Variants in CHCHD3 observed in about 807,000 individuals in gnomAD.
CHCHD3 encodes the protein MICOS complex subunit MIC19.
Under a neutral mutation model 38.2 loss-of-function variants are expected in CHCHD3, and 20 were observed. The ratio of observed to expected loss-of-function variants is 0.52; its 90% CI spans 0.37 to 0.76. CHCHD3 has a LOEUF of 0.76. CHCHD3 is among the 30% of genes least tolerant of loss of function. The probability of loss-of-function intolerance (pLI) is 0.00; values close to 1 mark genes in which losing one functional copy is unlikely to be tolerated. For missense variants in CHCHD3, 245 were observed against 279.2 expected, an observed-to-expected ratio of 0.88 and a Z score of 0.87; for synonymous variants, 82 against 100.0, an observed-to-expected ratio of 0.82 and a Z score of 1.07.
intron 3 of CHCHD3, among the ~76,000 whole-genome samples, chr7:132,976,971 G>C (rs1163098686): frequency 1.3e-5 from 2 of 152,104 alleles, no homozygotes; most frequent in Non-Finnish European, 2.9e-5. Flanking sequence ...GTTAAAATCT[G>C]TATTTCGAAA....
At chr7:132,871,002 T>G (rs1808755589) in intron 5 of CHCHD3, among the ~76,000 whole-genome samples, 1 of 152,206 alleles carries the variant, frequency 6.6e-6, no homozygotes, top group African/African-American at 2.4e-5. Flanking sequence ...AATATTAGTT[T>G]TAATGATATA....
At chr7:132,886,098 A>G (rs1208998248) in intron 4 of CHCHD3, among the ~76,000 whole-genome samples, 1 of 152,120 alleles carries the variant, frequency 6.6e-6, no homozygotes, top group Non-Finnish European at 1.5e-5. Context: ...TGGGCATAAG[A>G]TACATGGCTC....
At chr7:132,809,352 T>A (rs561622789) in intron 6 of CHCHD3, among the ~76,000 whole-genome samples, 1 of 152,312 alleles carries the variant, frequency 6.6e-6, no homozygotes, top group South Asian at 2.1e-4. Flanking sequence ...ATCCTTACCA[T>A]AGGCTAAGTT....
Position 133,035,377 on chromosome 7 carries a change from G to A in CHCHD3, c.170-10750C>T, listed in dbSNP as rs529735227. On this transcript the variant is annotated intron_variant, in intron 2 of 7. Transcript: ENST00000262570. The surrounding 1 kb of genome is among the most constrained non-coding windows in gnomAD (Gnocchi z 4.7). ...CAGCGGTTGGTATTGCGAAAGGCCC[G>A]GCGGAAAGAAGGCTCTAGAACCTGC... is the stretch of plus-strand genomic sequence containing the variant. 1.4e-5 allele frequency: 22 copies of A among 1,613,250 alleles called. No individual in the cohort carries two copies. The Admixed American group carries it at 2.8e-4, about 21-fold the overall frequency.
intron 4 of CHCHD3, among the ~76,000 whole-genome samples, chr7:132,963,154 A>AT (rs1562922740): frequency 3.6e-4 from 52 of 145,850 alleles, no homozygotes; most frequent in African/African-American, 6.0e-4. Context: ...ATAAAAAAAA[A>AT]AATATATATA....
intron 6 of CHCHD3, chr7:132,815,475 C>G (rs750215421): frequency 6.8e-6 from 3 of 443,836 alleles, no homozygotes; most frequent in South Asian, 4.9e-5. Flanking sequence ...CTCTGATTAC[C>G]TTTTAGGTCC....
chr7:132,860,308 GAGAGAGAA>G (rs916906976), intron 5 of CHCHD3, among the ~76,000 whole-genome samples: 12 of 91,378 alleles, frequency 1.3e-4, no homozygotes, highest in African/African-American at 4.7e-4. Context: ...TAGATAGAGA[GAGAGAGAA>G]AGAGAGAGAG....
chr7:132,785,457 C>T lies in CHCHD3; in HGVS notation c.*180G>A. 1.5e-6 allele frequency: 1 copy of T among 646,222 alleles called. No individual in the cohort carries two copies. Among genetic ancestry groups the T allele is most frequent in the African/African-American group, 1.8e-5 (1 of 54,654 alleles). 40.0% of individuals were successfully genotyped at this position (646,222 alleles called of 1,614,324 possible). A position where few individuals can be genotyped will look rare whatever the true frequency, so the allele number is the denominator to read the frequency against. On this transcript the variant is annotated 3_prime_UTR_variant, in exon 8 of 8. Transcript: ENST00000262570. ...GACTGATCCCTGATCAAGGCTTTGG[C>T]CCTTCAAACTGCTGCTGTTCAAAAC... is the stretch of plus-strand genomic sequence containing the variant.
At chr7:132,931,487 T>C (rs979896208) in intron 4 of CHCHD3, among the ~76,000 whole-genome samples, 2 of 152,182 alleles carry the variant, frequency 1.3e-5, no homozygotes, top group Admixed American at 6.5e-5. Flanking sequence ...CTGATCTCGT[T>C]AAGGTCACTG....
At chr7:132,984,896 G>A in intron 3 of CHCHD3, among the ~76,000 whole-genome samples, 1 of 99,838 alleles carries the variant, frequency 1.0e-5, no homozygotes, top group Non-Finnish European at 2.2e-5. Flanking sequence ...CCGGGAGGGA[G>A]GTGGGGGGGT....
chr7:132,822,447 G>A (rs1396008546), intron 6 of CHCHD3, among the ~76,000 whole-genome samples: 1 of 151,260 alleles, frequency 6.6e-6, no homozygotes, highest in Non-Finnish European at 1.5e-5. Flanking sequence ...AAAAAGTCTT[G>A]GGAGGCCAAT....
chr7:132,928,549 T>A (rs1562911067), intron 4 of CHCHD3, among the ~76,000 whole-genome samples: 1 of 151,786 alleles, frequency 6.6e-6, no homozygotes, highest in Non-Finnish European at 1.5e-5. Flanking sequence ...ATACAAAAAT[T>A]AGCCAGGCAT....
intron 3 of CHCHD3, chr7:133,022,507 A>G: frequency 2.2e-6 from 1 of 456,628 alleles, no homozygotes; most frequent in Non-Finnish European, 4.4e-6. Context: ...TGGTAGAAAA[A>G]AAGAAAGAAA....
chr7:132,912,783 A>G (rs1057205571), intron 4 of CHCHD3, among the ~76,000 whole-genome samples: 4 of 152,152 alleles, frequency 2.6e-5, no homozygotes, highest in African/African-American at 7.2e-5. Context: ...TCAAACTCCC[A>G]GCCTCAAGTG....
intron 6 of CHCHD3, among the ~76,000 whole-genome samples, chr7:132,825,104 G>A (rs1349044257): frequency 6.6e-6 from 1 of 152,192 alleles, no homozygotes; most frequent in East Asian, 1.9e-4. Context: ...TAAGCCCTCT[G>A]AGGGCAGGGA....
intron 4 of CHCHD3, among the ~76,000 whole-genome samples, chr7:132,968,385 A>C (rs1811530016): frequency 6.6e-6 from 1 of 152,208 alleles, no homozygotes; most frequent in South Asian, 2.1e-4. Flanking sequence ...AATAACACTG[A>C]GAAAAATGTC....
intron 3 of CHCHD3, among the ~76,000 whole-genome samples, chr7:133,015,705 C>G (rs1054421997): frequency 6.6e-6 from 1 of 152,130 alleles, no homozygotes; most frequent in African/African-American, 2.4e-5. Context: ...GATTCAAATC[C>G]GAGCCCCACC....
At chr7:132,803,662 C>T (rs1806843022) in intron 6 of CHCHD3, among the ~76,000 whole-genome samples, 1 of 151,772 alleles carries the variant, frequency 6.6e-6, no homozygotes, top group African/African-American at 2.4e-5. Flanking sequence ...TCTACTCAGT[C>T]ACTCCCAAAA....
intron 1 of CHCHD3, among the ~76,000 whole-genome samples, chr7:133,073,726 A>T (rs1814896231): frequency 6.6e-6 from 1 of 152,200 alleles, no homozygotes. Flanking sequence ...TCCGCTTAAA[A>T]TGCAAATGTG....
Sources: allele counts gnomAD v4.1 joint callset (sites outside exome capture counted in the v4.1 genomes callset), GRCh38; gene constraint gnomAD v4.1.1; non-coding constraint Gnocchi (gnomAD v3.1); transcripts MANE v1.5; gene names NCBI Gene and HGNC (gene_info 2026-07-23, HGNC 2026-07-21).